ADAM9: variants seen among roughly 807,000 people sequenced by gnomAD.
The protein encoded by ADAM9 is ADAM metallopeptidase domain 9.
A neutral mutation model predicts 108.1 loss-of-function variants in ADAM9; 54 were observed. The ratio of observed to expected loss-of-function variants is 0.50; its 90% CI spans 0.40 to 0.63. ADAM9 has a LOEUF of 0.63. Among genes scored for constraint, ADAM9 ranks in the 20% least tolerant of loss-of-function variants. ADAM9 has a pLI of 0.00. For missense variants in ADAM9, 830 were observed against 997.7 expected (o/e 0.83, Z 2.26); for synonymous variants, 316 against 336.0 (o/e 0.94, Z 0.65).
intron 12 of ADAM9, 39 bp from the exon 13 acceptor site, chr8:39,054,442 T>C: frequency 6.5e-7 from 1 of 1,539,194 alleles, no homozygotes; most frequent in Non-Finnish European, 9.0e-7. Flanking sequence ...TTCATGTCAA[T>C]TACTAATTTC....
intron 1 of ADAM9, among the ~76,000 whole-genome samples, chr8:38,997,524 G>A (rs908295929): frequency 2.0e-5 from 3 of 152,204 alleles, no homozygotes; most frequent in Admixed American, 6.5e-5. Flanking sequence ...TGCAGGCTGG[G>A]CGCGCCCGCG....
intron 18 of ADAM9, among the ~76,000 whole-genome samples, chr8:39,084,336 T>C (rs1218771313): frequency 3.3e-5 from 5 of 151,616 alleles, no homozygotes; most frequent in African/African-American, 4.8e-5. Context: ...AGGTCATCTT[T>C]TTTTTTTTTT....
chr8:39,009,147 A>G lies in ADAM9; in HGVS notation c.195+1164A>G, dbSNP rs551142029. On this transcript the variant is annotated intron_variant, in intron 2 of 21. Transcript: ENST00000487273. ...CTAGTTGGGTTGGTCACTCAACTCCATTTACATCTCTCCAACTGAGGAGTA... is the reference window on the plus strand; with the variant it reads ...CTAGTTGGGTTGGTCACTCAACTCCGTTTACATCTCTCCAACTGAGGAGTA... Among the ~76,000 whole-genome samples, 8 of 152,340 alleles carry G rather than the reference A, an allele frequency of 5.3e-5. No individual in the cohort carries two copies. The East Asian group carries it at 1.2e-3, about 22-fold the overall frequency.
intron 12 of ADAM9, among the ~76,000 whole-genome samples, chr8:39,050,830 G>GT (rs58115667): frequency 0.035 from 3,010 of 85,152 alleles, 55 homozygotes; most frequent in South Asian, 0.064. Flanking sequence ...GCTTGGAAGT[G>GT]TTTTTTTTTT....
At chr8:39,028,986 A>C (rs561377483) in intron 11 of ADAM9, among the ~76,000 whole-genome samples, 18 of 152,302 alleles carry the variant, frequency 1.2e-4, no homozygotes, top group African/African-American at 4.1e-4. Flanking sequence ...CTTACAGTAT[A>C]CTTAAAATAT....
chr8:39,014,222 T>TA, intron 4 of ADAM9, 179 bp downstream of exon 4: 1 of 617,356 alleles, frequency 1.6e-6, no homozygotes, highest in Admixed American at 2.9e-5. Flanking sequence ...AGCTGTACCT[T>TA]ACAGCTCTCC....
rs886062926 is a variant in ADAM9 at position 39,104,329 on chromosome 8, C to T, written c.*629C>T. Reference sequence around the variant, plus strand: ...TACTAAAAGAGTGTGTGTGTATTCACGCAGTTACTCGCTTCCATTTTTATG... The same window carrying T: ...TACTAAAAGAGTGTGTGTGTATTCATGCAGTTACTCGCTTCCATTTTTATG... On this transcript the variant is annotated 3_prime_UTR_variant, in exon 22 of 22. Transcript: ENST00000487273. 25 of 451,572 alleles carry T rather than the reference C, an allele frequency of 5.5e-5. No individual in the cohort carries two copies. Among genetic ancestry groups the T allele is most frequent in the African/African-American group, 1.0e-4 (5 of 49,900 alleles). 28.0% of individuals were successfully genotyped at this position (451,572 alleles called of 1,614,324 possible). A position where few individuals can be genotyped will look rare whatever the true frequency, so the allele number is the denominator to read the frequency against.
intron 14 of ADAM9, among the ~76,000 whole-genome samples, chr8:39,068,544 G>A (rs1394322396): frequency 6.6e-6 from 1 of 151,206 alleles, no homozygotes; most frequent in African/African-American, 2.4e-5. Context: ...GCATGATGGC[G>A]GGCACCTGTA....
chr8:39,077,865 C>T (rs1184771314), intron 16 of ADAM9, among the ~76,000 whole-genome samples: 1 of 152,138 alleles, frequency 6.6e-6, no homozygotes, highest in African/African-American at 2.4e-5. Flanking sequence ...TGAGAAGATG[C>T]CCTGGGCCAA....
Position 39,026,781 on chromosome 8 carries a change from A to C in ADAM9, c.1101A>C (p.Ala367=). Residue 367 remains alanine, a synonymous_variant, in exon 11 of 22, where the codon GCA becomes GCC. Transcript: ENST00000487273. ...HDDGRDCSCG[A]KSCIMNSGAS... ...ATGGGAGAGATTGTTCCTGTGGAGC[A>C]AAGAGCTGCATCATGAATTCAGGAG... The C allele has an allele frequency of 4.3e-6, 7 of 1,613,714 alleles. No homozygotes were observed. The highest frequency in any genetic ancestry group is 5.1e-6 in the Non-Finnish European group (6 of 1,179,966).
intron 14 of ADAM9, among the ~76,000 whole-genome samples, chr8:39,058,410 A>G (rs1838194161): frequency 6.6e-6 from 1 of 152,158 alleles, no homozygotes; most frequent in Non-Finnish European, 1.5e-5. Context: ...GGGTGACCCA[A>G]ACTGTCGTTC....
chr8:39,079,520 A>T (rs750875480), intron 16 of ADAM9, among the ~76,000 whole-genome samples: 2 of 152,122 alleles, frequency 1.3e-5, no homozygotes, highest in African/African-American at 4.8e-5. Flanking sequence ...TGAGAAGAAT[A>T]TTAACTGTCA....
intron 14 of ADAM9, among the ~76,000 whole-genome samples, chr8:39,063,066 C>T (rs1339587560): frequency 6.6e-6 from 1 of 152,222 alleles, no homozygotes; most frequent in Non-Finnish European, 1.5e-5. Context: ...CTTCGTGAGT[C>T]CTCACCAATG....
At chr8:39,076,557 G>A (rs1838855638) in intron 15 of ADAM9, among the ~76,000 whole-genome samples, 1 of 152,164 alleles carries the variant, frequency 6.6e-6, no homozygotes, top group Admixed American at 6.5e-5. Context: ...GCTTGGATCA[G>A]ATGACAATCA....
At chr8:39,039,392 C>A (rs1837386014) in intron 11 of ADAM9, among the ~76,000 whole-genome samples, 1 of 152,136 alleles carries the variant, frequency 6.6e-6, no homozygotes, top group African/African-American at 2.4e-5. Flanking sequence ...CATTGTTGCC[C>A]ATTTTTTGTG....
At chr8:39,089,652 C>A (rs933953990) in intron 18 of ADAM9, 2 of 226,422 alleles carry the variant, frequency 8.8e-6, no homozygotes, top group Non-Finnish European at 1.8e-5. Flanking sequence ...AACTCTAGAA[C>A]ATCTTCACAA....
chr8:39,039,532 A>G (rs1268429628), intron 11 of ADAM9, among the ~76,000 whole-genome samples: 2 of 152,238 alleles, frequency 1.3e-5, no homozygotes, highest in Admixed American at 6.5e-5. Flanking sequence ...GCTACTTTGT[A>G]TCAGACCTAC....
At chr8:39,069,634 G>A (rs1457868172) in intron 14 of ADAM9, among the ~76,000 whole-genome samples, 4 of 152,068 alleles carry the variant, frequency 2.6e-5, no homozygotes, top group South Asian at 2.1e-4. Context: ...ACAGAAAGCA[G>A]CAAAACCATG....
rs769937897 is a variant in ADAM9, at chr8:39,077,354, A to G, written c.1824A>G (p.Gly608=). Residue 608 remains glycine (G), a synonymous_variant, in exon 16 of 22, where the codon GGA becomes GGG. Transcript: ENST00000487273. ...GTTGGGGTGTGGATTTCCAGCTAGG[A>G]TCAGATGTTCCAGATCCTGGGATGG... The part of the protein sequence containing the change: ...TKCWGVDFQL[G]SDVPDPGMVN... 1 of 1,614,002 alleles carries G rather than the reference A, an allele frequency of 6.2e-7. No individual in the cohort carries two copies. The highest frequency in any genetic ancestry group is 1.1e-5 in the South Asian group (1 of 91,070).
Sources: allele counts gnomAD v4.1 joint callset (sites outside exome capture counted in the v4.1 genomes callset), GRCh38; gene constraint gnomAD v4.1.1; transcripts MANE v1.5; gene names NCBI Gene and HGNC (gene_info 2026-07-23, HGNC 2026-07-21).